The following PAK4 variants were observed in gnomAD, a reference collection of about 807,000 sequenced individuals.
PAK4 encodes p21 (RAC1) activated kinase 4.
In PAK4, 49 loss-of-function variants were observed where a neutral mutation model predicts 53.5. The ratio of observed to expected loss-of-function variants is 0.92; its 90% CI spans 0.73 to 1.16. The LOEUF (loss-of-function observed/expected upper bound fraction) is 1.16. Among genes scored for constraint, PAK4 ranks in the 50% most tolerant of loss-of-function variants. PAK4 has a pLI of 0.00. For missense variants in PAK4, 824 were observed against 850.7 expected (o/e 0.97, Z 0.39); for synonymous variants, 376 against 375.6 (o/e 1.00, Z -0.01).
intron 1 of PAK4, among the ~76,000 whole-genome samples, chr19:39,165,968 A>G (rs1231773840): frequency 6.6e-6 from 1 of 152,146 alleles, no homozygotes; most frequent in Non-Finnish European, 1.5e-5. Context: ...CTCCAGGATC[A>G]TATGTGGGAC....
At position 39,175,264 on chromosome 19, in the gene PAK4, C is replaced by T; in HGVS notation, c.1233-48C>T. On this transcript the variant is annotated intron_variant, in intron 5 of 8. Coordinates refer to ENST00000358301, the Ensembl canonical transcript of PAK4. This position sits in a 1 kb window ranked among gnomAD's most constrained non-coding sequence, Gnocchi z 4.7. ...GGCAGGGCTGCGTCCCCCTCGGCAC[C>T]CCGGGGTGCTGTCCAGCTGGCTGCT... is the stretch of plus-strand genomic sequence containing the variant. The T allele has an allele frequency of 6.5e-7, 1 of 1,542,658 alleles. No individual in the cohort carries two copies. The highest frequency in any genetic ancestry group is 8.8e-7 in the Non-Finnish European group (1 of 1,138,600).
chr19:39,173,029 C>CCG lies in PAK4; in HGVS notation c.318_319dup (p.Pro107ArgfsTer263). The stretch of plus-strand genomic sequence containing the variant: ...CAACTCCCTGCGGAGAGACAGCCCG[C>CCG]CGCCGCCCGCCCGTGCCCGCCAGGA... On this transcript the variant is annotated frameshift_variant, in exon 3 of 9. Transcript: ENST00000358301. LOFTEE classifies it high-confidence loss of function. The surrounding 1 kb of genome is among the most constrained non-coding windows in gnomAD (Gnocchi z 6.9). 2.6e-6 allele frequency: 4 copies of CCG among 1,549,170 alleles called. No individual in the cohort carries two copies. Among genetic ancestry groups the CCG allele is most frequent in the Non-Finnish European group, 3.5e-6 (4 of 1,146,916 alleles).
At chr19:39,145,344 C>T (rs145654552) in intron 1 of PAK4, among the ~76,000 whole-genome samples, 98 of 152,318 alleles carry the variant, frequency 6.4e-4, no homozygotes, top group African/African-American at 2.0e-3. Context: ...ACGAGGCCAG[C>T]GGCACTTGGC....
chr19:39,170,360 T>C (rs550555987), intron 2 of PAK4, among the ~76,000 whole-genome samples: 153 of 145,868 alleles, frequency 1.0e-3, no homozygotes, highest in African/African-American at 3.6e-3. Flanking sequence ...TGGTTTTGGG[T>C]TTTTTTTTTT....
At position 39,142,685 on chromosome 19, in the gene PAK4, C is replaced by T. The variant is rs566948395; in HGVS notation, c.-23+16766C>T. Among the ~76,000 whole-genome samples the T allele has an allele frequency of 3.3e-5, 5 of 152,330 alleles. No homozygotes were observed. In the East Asian group the frequency reaches 9.7e-4, roughly 29 times the overall value. ...ACAGGCTTCCAGCTGAGAGCTGCTG[C>T]CACCCACCCTGGCAACCCCTTCCGC... On this transcript the variant is annotated intron_variant, in intron 1 of 8. Transcript: ENST00000358301.
At chr19:39,176,437 C>T in intron 6 of PAK4, 153 bp from the exon 8 acceptor site, 3 of 985,798 alleles carry the variant, frequency 3.0e-6, no homozygotes, top group Non-Finnish European at 4.6e-6. Context: ...CCCCATTGGT[C>T]TGGCTCTAGA....
chr19:39,131,287 G>A (rs1430850206), intron 1 of PAK4, among the ~76,000 whole-genome samples: 2 of 152,088 alleles, frequency 1.3e-5, no homozygotes, highest in East Asian at 1.9e-4. Context: ...CAGAAGTTCC[G>A]TGGAGACCTG....
Position 39,173,320 on chromosome 19 carries a change from C to A in PAK4, c.607C>A (p.Arg203=), listed in dbSNP as rs370979504. 1 of 1,596,124 alleles carries A rather than the reference C, an allele frequency of 6.3e-7. No homozygotes were observed. The highest frequency in any genetic ancestry group is 1.3e-5 in the African/African-American group (1 of 74,412). Reference sequence around the variant, plus strand: ...CAGTGGGGCGAAACTGGCAGCTGGCCGGCCCTTTAACACCTACCCGAGGGC... The same window carrying A: ...CAGTGGGGCGAAACTGGCAGCTGGCAGGCCCTTTAACACCTACCCGAGGGC... The change falls in exon 3 of 9, where the codon CGG becomes AGG. Residue 203 remains arginine (R), a synonymous_variant. Transcript: ENST00000358301. This position sits in a 1 kb window ranked among gnomAD's most constrained non-coding sequence, Gnocchi z 6.9.
At chr19:39,147,699 A>G (rs191902342) in intron 1 of PAK4, among the ~76,000 whole-genome samples, 2 of 152,162 alleles carry the variant, frequency 1.3e-5, no homozygotes, top group Middle Eastern at 3.4e-3. Flanking sequence ...GTGATAACTC[A>G]TTGTGGCTTT....
chr19:39,177,897 C>T lies in PAK4; in HGVS notation c.1620+88C>T, dbSNP rs555988234. 54 of 1,436,444 alleles carry T rather than the reference C, an allele frequency of 3.8e-5. No homozygotes were observed. In the East Asian group the frequency reaches 1.1e-3, roughly 29 times the overall value. The allele number at this position is 1,436,444 out of a possible 1,614,324, so 89.0% of individuals were successfully genotyped here. A position where few individuals can be genotyped will look rare whatever the true frequency, so the allele number is the denominator to read the frequency against. ...GCATGGGGTGTGGATGGGATGGGGA[C>T]AATGATGGCGCCTGGGATGGCGCTT... On this transcript the variant is annotated intron_variant, in intron 8 of 8. Coordinates refer to ENST00000358301, the Ensembl canonical transcript of PAK4.
chr19:39,175,151 G>A lies in PAK4; in HGVS notation c.1232+87G>A, dbSNP rs139230317. The A allele has an allele frequency of 7.9e-5, 121 of 1,528,192 alleles. 1 individual carries two copies. The Admixed American group carries it at 1.4e-3, about 18-fold the overall frequency. The allele number at this position is 1,528,192 out of a possible 1,614,324, so 94.7% of individuals were successfully genotyped here. On this transcript the variant is annotated intron_variant, in intron 5 of 8. Coordinates refer to ENST00000358301, the Ensembl canonical transcript of PAK4. The surrounding 1 kb of genome is among the most constrained non-coding windows in gnomAD (Gnocchi z 4.7). ...GTGGGGCCACATCTCCAAACCAGCT[G>A]TGCTCCGGGCCCCTGGGATGGGGTC...
intron 1 of PAK4, among the ~76,000 whole-genome samples, chr19:39,153,118 A>G (rs2074120246): frequency 6.6e-6 from 1 of 152,204 alleles, no homozygotes; most frequent in African/African-American, 2.4e-5. Context: ...TGCATAAAAC[A>G]TAAATGTATA....
Position 39,177,833 on chromosome 19 carries a change from A to G in PAK4, c.1620+24A>G, listed in dbSNP as rs1037881830. ...AGGTAGGCCCCTCCCTGGCTGGGAA[A>G]CTGTGCGCCAGCTGGCGGGTGGCAG... On this transcript the variant is annotated intron_variant, in intron 8 of 8. Transcript: ENST00000358301. 5.0e-6 allele frequency: 8 copies of G among 1,592,694 alleles called. No homozygotes were observed. The African/African-American group carries it at 1.1e-4, about 21-fold the overall frequency.
At chr19:39,157,917 TCTTA>T (rs1390221772) in intron 1 of PAK4, among the ~76,000 whole-genome samples, 1 of 152,210 alleles carries the variant, frequency 6.6e-6, no homozygotes, top group Non-Finnish European at 1.5e-5. Flanking sequence ...TGTGTGATGG[TCTTA>T]GGACTCGGCT....
At chr19:39,171,275 C>T (rs371437931) in intron 2 of PAK4, among the ~76,000 whole-genome samples, 1 of 151,810 alleles carries the variant, frequency 6.6e-6, no homozygotes, top group Admixed American at 6.6e-5. Flanking sequence ...AGTGGCGCCA[C>T]CTCGGCTCAT....
chr19:39,152,664 G>A (rs2074112055), intron 1 of PAK4, among the ~76,000 whole-genome samples: 1 of 152,204 alleles, frequency 6.6e-6, no homozygotes, highest in Non-Finnish European at 1.5e-5. Flanking sequence ...CAGCCACAGG[G>A]CATAAGGGCT....
chr19:39,141,517 T>C (rs749128539), intron 1 of PAK4, among the ~76,000 whole-genome samples: 1 of 151,854 alleles, frequency 6.6e-6, no homozygotes, highest in African/African-American at 2.4e-5. Context: ...AGTCTCACCA[T>C]ATTGATCAGG....
chr19:39,175,489 G>C lies in PAK4; in HGVS notation c.1359+51G>C, dbSNP rs1568531109. ...GGGGCGGCAGGTTTCCGGCTGCGGG[G>C]CTTCCCTGCCTCTTCCCATCCCCTG... On this transcript the variant is annotated intron_variant, in intron 6 of 8. Coordinates refer to ENST00000358301, the Ensembl canonical transcript of PAK4. The surrounding 1 kb of genome is among the most constrained non-coding windows in gnomAD (Gnocchi z 4.7). 6.5e-7 allele frequency: 1 copy of C among 1,541,680 alleles called. No individual in the cohort carries two copies. Among genetic ancestry groups the C allele is most frequent in the African/African-American group, 1.4e-5 (1 of 73,956 alleles).
rs376504839 is a variant in PAK4 at position 39,175,318 on chromosome 19, C to T, written c.1239C>T (p.Asn413=). 4.4e-5 allele frequency: 70 copies of T among 1,580,710 alleles called. 1 individual carries two copies. The South Asian group carries it at 5.9e-4, about 13-fold the overall frequency. The change falls in exon 6 of 9, where the codon AAC becomes AAT. Residue 413 remains asparagine (N), a synonymous_variant. Coordinates refer to ENST00000358301, the Ensembl canonical transcript of PAK4. This position sits in a 1 kb window ranked among gnomAD's most constrained non-coding sequence, Gnocchi z 4.7. ...CCCCCACCCCACCCCGCAGGATGAA[C>T]GAGGAGCAGATCGCGGCCGTGTGCC...
Sources: allele counts gnomAD v4.1 joint callset (sites outside exome capture counted in the v4.1 genomes callset), GRCh38; gene constraint gnomAD v4.1.1; non-coding constraint Gnocchi (gnomAD v3.1); transcripts MANE v1.5; gene names NCBI Gene and HGNC (gene_info 2026-07-23, HGNC 2026-07-21).